Variants in DTWD2 observed in about 807,000 individuals in gnomAD.
DTWD2 encodes tRNA-uridine aminocarboxypropyltransferase 2.
DTWD2 carries 39 observed loss-of-function variants against 31.8 expected under a neutral mutation model. The observed-to-expected ratio is 1.22, with a 90% CI of 0.95 to 1.60. DTWD2 has a LOEUF of 1.60. DTWD2 is among the 40% of genes most tolerant of loss of function. The pLI is 0.00. For synonymous variants in DTWD2, 180 were observed against 142.8 expected (o/e 1.26, Z -1.86); for missense variants, 515 against 381.5 (o/e 1.35, Z -2.92).
chr5:118,858,155 C>T (rs758646110), intron 4 of DTWD2, among the ~76,000 whole-genome samples: 4 of 151,350 alleles, frequency 2.6e-5, no homozygotes, highest in Non-Finnish European at 4.4e-5. Context: ...CAATGTGTAA[C>T]TGATACTTTC....
intron 4 of DTWD2, among the ~76,000 whole-genome samples, chr5:118,867,326 T>A (rs892694244): frequency 2.6e-5 from 4 of 152,100 alleles, no homozygotes; most frequent in Admixed American, 1.3e-4. Context: ...AAGATAGAAT[T>A]ACTTACTCCA....
intron 4 of DTWD2, among the ~76,000 whole-genome samples, chr5:118,848,951 A>G (rs923077910): frequency 1.4e-4 from 21 of 152,234 alleles, no homozygotes; most frequent in Non-Finnish European, 7.3e-5. Flanking sequence ...AATACCATCC[A>G]GGACACAGGC....
intron 4 of DTWD2, among the ~76,000 whole-genome samples, chr5:118,905,516 T>A (rs564072329): frequency 8.5e-5 from 13 of 152,276 alleles, no homozygotes; most frequent in African/African-American, 3.1e-4. Context: ...CTCTATTTTC[T>A]AAGATAAAAC....
intron 2 of DTWD2, among the ~76,000 whole-genome samples, chr5:118,939,677 C>A (rs2149584244): frequency 6.6e-6 from 1 of 152,066 alleles, no homozygotes; most frequent in Non-Finnish European, 1.5e-5. Flanking sequence ...ATCTTTATGC[C>A]CAAAAAAGCA....
chr5:118,842,689 T>C (rs1353993900), intron 5 of DTWD2, among the ~76,000 whole-genome samples: 1 of 151,942 alleles, frequency 6.6e-6, no homozygotes, highest in Non-Finnish European at 1.5e-5. Context: ...TCCCAGCATT[T>C]TGGGAGGCTG....
chr5:118,921,932 T>A (rs1003661155), intron 4 of DTWD2, among the ~76,000 whole-genome samples: 4 of 152,232 alleles, frequency 2.6e-5, no homozygotes, highest in African/African-American at 9.6e-5. Flanking sequence ...AAAGTTCTCA[T>A]AAAAGTGTTT....
At chr5:118,896,126 T>C (rs905921136) in intron 4 of DTWD2, among the ~76,000 whole-genome samples, 1 of 152,062 alleles carries the variant, frequency 6.6e-6, no homozygotes, top group Non-Finnish European at 1.5e-5. Flanking sequence ...TGAGCGAAAA[T>C]GTGAAACAGC....
intron 3 of DTWD2, among the ~76,000 whole-genome samples, chr5:118,932,458 T>C (rs1263123540): frequency 6.6e-6 from 1 of 151,556 alleles, no homozygotes; most frequent in Non-Finnish European, 1.5e-5. Flanking sequence ...AAAAAATCAA[T>C]GAAATCAAAA....
intron 1 of DTWD2, among the ~76,000 whole-genome samples, chr5:118,957,782 T>C (rs1437535077): frequency 6.6e-6 from 1 of 152,204 alleles, no homozygotes; most frequent in Non-Finnish European, 1.5e-5. Context: ...TGCATCTTAC[T>C]ATCCTTAACA....
At chr5:118,967,834 T>C (rs1051162628) in intron 1 of DTWD2, among the ~76,000 whole-genome samples, 2 of 152,146 alleles carry the variant, frequency 1.3e-5, no homozygotes, top group African/African-American at 4.8e-5. Flanking sequence ...ACAAGATGGA[T>C]ACTAAAATCA....
At position 118,970,489 on chromosome 5, in the gene DTWD2, G is replaced by A. The variant is rs75569916; in HGVS notation, c.218+17805C>T. ...AAAACTCTGAGAAATACAGTATTAC[G>A]GAAAAGGACCGAACCTACAACTGAC... On this transcript the variant is annotated intron_variant, in intron 1 of 5. Transcript: ENST00000510708. Among the ~76,000 whole-genome samples the A allele has an allele frequency of 8.1e-3, 1,233 of 152,190 alleles. 21 individuals are homozygous for A. Among genetic ancestry groups the A allele is most frequent in the African/African-American group, 0.028 (1,167 of 41,538 alleles).
chr5:118,895,620 A>C (rs947163088), intron 4 of DTWD2, among the ~76,000 whole-genome samples: 3 of 152,234 alleles, frequency 2.0e-5, no homozygotes, highest in African/African-American at 7.2e-5. Flanking sequence ...TACACTATAA[A>C]GCTATAGCAA....
chr5:118,861,824 A>G (rs1752266569), intron 4 of DTWD2, among the ~76,000 whole-genome samples: 1 of 152,178 alleles, frequency 6.6e-6, no homozygotes. Context: ...GGACTGATAG[A>G]GAGTAACTGG....
chr5:118,947,851 A>G (rs1443498057), intron 1 of DTWD2, among the ~76,000 whole-genome samples: 4 of 152,310 alleles, frequency 2.6e-5, no homozygotes, highest in Admixed American at 6.5e-5. Flanking sequence ...TGTAAAACTT[A>G]GTTAAAAAGG....
intron 1 of DTWD2, among the ~76,000 whole-genome samples, chr5:118,979,360 T>C (rs1755240621): frequency 6.6e-6 from 1 of 151,940 alleles, no homozygotes; most frequent in Admixed American, 6.6e-5. Flanking sequence ...AAACAACAGA[T>C]GCTGGTGAGG....
chr5:118,931,056 T>G (rs1753911988), intron 3 of DTWD2, among the ~76,000 whole-genome samples: 1 of 151,408 alleles, frequency 6.6e-6, no homozygotes, highest in African/African-American at 2.4e-5. Flanking sequence ...AATAAAGCCC[T>G]TTTGAAAAAA....
chr5:118,943,786 A>G (rs1157241168), intron 2 of DTWD2, among the ~76,000 whole-genome samples: 1 of 152,176 alleles, frequency 6.6e-6, no homozygotes, highest in Non-Finnish European at 1.5e-5. Context: ...AGAAAAGATT[A>G]ATTTCTTTTA....
At chr5:118,881,839 G>T (rs549413333) in intron 4 of DTWD2, among the ~76,000 whole-genome samples, 1 of 152,108 alleles carries the variant, frequency 6.6e-6, no homozygotes, top group Non-Finnish European at 1.5e-5. Flanking sequence ...CAACAGGTCC[G>T]TCCTCCAACA....
At chr5:118,916,094 G>C (rs1224749038) in intron 4 of DTWD2, among the ~76,000 whole-genome samples, 1 of 152,198 alleles carries the variant, frequency 6.6e-6, no homozygotes, top group Non-Finnish European at 1.5e-5. Flanking sequence ...TGAGAAATTG[G>C]TTGAAGATCT....
Sources: gnomAD v4.1 joint callset for allele counts (sites outside exome capture counted in the v4.1 genomes callset) on GRCh38, gnomAD v4.1.1 for gene constraint, MANE v1.5 for transcripts, NCBI Gene and HGNC (gene_info 2026-07-23, HGNC 2026-07-21) for gene names.